The following ATL2 variants were observed in gnomAD, a reference collection of about 807,000 sequenced individuals.
ATL2 encodes atlastin-2.
A neutral mutation model predicts 73.9 loss-of-function variants in ATL2; 31 were observed. That is an observed-to-expected ratio of 0.42 (90% CI 0.32 to 0.57). ATL2 has a LOEUF of 0.57. ATL2 is among the 20% of genes least tolerant of loss of function. The pLI, the probability that ATL2 is intolerant of heterozygous loss-of-function variation, is 0.14. For missense variants in ATL2, 738 were observed against 702.6 expected (o/e 1.05, Z -0.57); for synonymous variants, 291 against 237.5 (o/e 1.23, Z -2.07).
chr2:38,315,433 T>A, intron 4 of ATL2, 99 bp from the exon 5 acceptor site: 1 of 1,228,028 alleles, frequency 8.1e-7, no homozygotes, highest in Non-Finnish European at 1.1e-6. Flanking sequence ...ATTTTGTATC[T>A]CAGCGCAAAG....
chr2:38,369,163 T>C (rs1226233779), intron 1 of ATL2, among the ~76,000 whole-genome samples: 3 of 152,060 alleles, frequency 2.0e-5, no homozygotes, highest in Non-Finnish European at 4.4e-5. Flanking sequence ...AAAATGTACA[T>C]GTCAGGCCAG....
intron 1 of ATL2, among the ~76,000 whole-genome samples, chr2:38,348,359 A>C (rs1367709841): frequency 6.6e-6 from 1 of 151,874 alleles, no homozygotes; most frequent in East Asian, 1.9e-4. Flanking sequence ...CCAGATACTC[A>C]GGAGGCTGAG....
intron 1 of ATL2, among the ~76,000 whole-genome samples, chr2:38,370,139 C>T (rs1473740418): frequency 1.7e-5 from 2 of 121,136 alleles, no homozygotes; most frequent in South Asian, 5.2e-4. Flanking sequence ...TGGGCGACAG[C>T]GAGACTCCGT....
upstream of ATL2, chr2:38,377,323 C>T (rs1434029933): frequency 4.1e-5 from 59 of 1,426,670 alleles, no homozygotes; most frequent in Middle Eastern, 2.4e-4. Flanking sequence ...TTATCAACCT[C>T]CCGGGAGCCG....
Position 38,294,509 on chromosome 2 carries a change from C to T in ATL2, c.*1485G>A, listed in dbSNP as rs983630049. 6.6e-6 allele frequency among the ~76,000 whole-genome samples: 1 copy of T among 152,162 alleles called. No homozygotes were observed. The highest frequency in any genetic ancestry group is 1.5e-5 in the Non-Finnish European group (1 of 68,020). ...GTTGCAGTGAGCCAAGATCGCACCA[C>T]TGCACTCCAGCCTGGGTGACAGAGA... is the stretch of plus-strand genomic sequence containing the variant. On this transcript the variant is annotated 3_prime_UTR_variant, in exon 13 of 13. Coordinates refer to ENST00000378954, the MANE Select transcript of ATL2 (RefSeq NM_001135673.4).
chr2:38,364,130 C>T (rs1325902002), intron 1 of ATL2, among the ~76,000 whole-genome samples: 1 of 152,034 alleles, frequency 6.6e-6, no homozygotes, highest in African/African-American at 2.4e-5. Context: ...GGCGTGGTGG[C>T]GGATGCCTGT....
rs1672041732 is a variant in ATL2 at position 38,377,247 on chromosome 2, T to C, written c.14A>G (p.Asp5Gly). 1.9e-6 allele frequency: 3 copies of C among 1,589,702 alleles called. No homozygotes were observed. Among genetic ancestry groups the C allele is most frequent in the Non-Finnish European group, 2.6e-6 (3 of 1,168,866 alleles). MAEG[D>G]EAARGQQPHQ... ...CGGTTGCTGCCCTCGCGCTGCCTCGTCCCCCTCCGCCATCTTGTACCGATT... is the reference window on the plus strand; with the variant it reads ...CGGTTGCTGCCCTCGCGCTGCCTCGCCCCCCTCCGCCATCTTGTACCGATT... Residue 5 changes from aspartate to glycine, a missense_variant, in exon 1 of 13, where the codon GAC becomes GGC. By Grantham distance (94) the Asp-to-Gly change is moderately conservative. Coordinates refer to ENST00000378954, the MANE Select transcript of ATL2 (RefSeq NM_001135673.4).
intron 2 of ATL2, among the ~76,000 whole-genome samples, chr2:38,325,810 A>G (rs1364018582): frequency 2.0e-5 from 3 of 149,560 alleles, no homozygotes; most frequent in Non-Finnish European, 4.4e-5. Flanking sequence ...ACTTTACCAG[A>G]GCTTTATCTG....
At chr2:38,351,778 C>T (rs1400394744) in intron 1 of ATL2, among the ~76,000 whole-genome samples, 4 of 151,926 alleles carry the variant, frequency 2.6e-5, no homozygotes, top group African/African-American at 9.6e-5. Flanking sequence ...CAGGCGTGAG[C>T]CACCTCACCT....
intron 9 of ATL2, among the ~76,000 whole-genome samples, chr2:38,301,736 C>T (rs899871183): frequency 2.0e-5 from 3 of 152,214 alleles, no homozygotes; most frequent in Non-Finnish European, 2.9e-5. Context: ...CCTGAATAAA[C>T]TTGAAAGGCC....
intron 1 of ATL2, chr2:38,359,644 A>G (rs1670889690): frequency 1.3e-5 from 2 of 152,152 alleles, no homozygotes; most frequent in South Asian, 4.1e-4. Flanking sequence ...ATGTCACAGA[A>G]TTTTTGCTGT....
At chr2:38,362,568 C>G (rs1218139344) in intron 1 of ATL2, among the ~76,000 whole-genome samples, 1 of 152,212 alleles carries the variant, frequency 6.6e-6, no homozygotes, top group African/African-American at 2.4e-5. Context: ...TTTTAACAAG[C>G]ACCCCACTAA....
chr2:38,346,542 T>A lies in ATL2; in HGVS notation c.119-3030A>T, dbSNP rs555829318. 2.0e-5 allele frequency among the ~76,000 whole-genome samples: 3 copies of A among 152,300 alleles called. No homozygotes were observed. The East Asian group carries it at 5.8e-4, about 29-fold the overall frequency. On this transcript the variant is annotated intron_variant, in intron 1 of 12. Transcript: ENST00000378954. Reference sequence around the variant, plus strand: ...GTCTGGTTTCATGAAAGACAAGTTTTCCACAGAAGGGGGAGCAGTGGTTTC... The same window carrying A: ...GTCTGGTTTCATGAAAGACAAGTTTACCACAGAAGGGGGAGCAGTGGTTTC...
rs1374389787 is a variant in ATL2, at chr2:38,298,704, A to G, written c.1201-129T>C. ...TTGAGTCAGTTTTAAACTCACTTAC[A>G]ATACCTCACAGGTTATCATAATCTA... On this transcript the variant is annotated intron_variant, in intron 11 of 12. Coordinates refer to ENST00000378954, the MANE Select transcript of ATL2 (RefSeq NM_001135673.4). The G allele has an allele frequency of 2.4e-5, 21 of 892,474 alleles. No homozygotes were observed. In the Admixed American group the frequency reaches 4.6e-4, roughly 20 times the overall value. 55.3% of individuals were successfully genotyped at this position (892,474 alleles called of 1,614,324 possible). A position where few individuals can be genotyped will look rare whatever the true frequency, so the allele number is the denominator to read the frequency against.
At chr2:38,354,062 C>A (rs756239942) in intron 1 of ATL2, 7 of 313,898 alleles carry the variant, frequency 2.2e-5, no homozygotes, top group South Asian at 1.1e-4. Flanking sequence ...CGTGGTGGCA[C>A]GCACCTGTAA....
intron 2 of ATL2, among the ~76,000 whole-genome samples, chr2:38,327,337 A>C (rs1296298677): frequency 6.6e-6 from 1 of 152,156 alleles, no homozygotes; most frequent in African/African-American, 2.4e-5. Flanking sequence ...GAATACGCTA[A>C]GGTAACTGCA....
In ATL2 at chr2:38,314,588, T is replaced by C. The variant is rs1667929677; in HGVS notation, c.711+20A>G. The stretch of plus-strand genomic sequence containing the variant: ...ACTTCTCATAGGCTAATCTTTAAAA[T>C]GTTAGAATAACTTTTTTACCTGAAA... On this transcript the variant is annotated intron_variant, in intron 6 of 12. Coordinates refer to ENST00000378954, the MANE Select transcript of ATL2 (RefSeq NM_001135673.4). 1.3e-6 allele frequency: 2 copies of C among 1,566,630 alleles called. No homozygotes were observed. The highest frequency in any genetic ancestry group is 4.5e-5 in the East Asian group (2 of 44,556).
rs556578296 is a variant in ATL2, at chr2:38,324,324, C to T, written c.364-5305G>A. Among the ~76,000 whole-genome samples the T allele has an allele frequency of 2.1e-4, 32 of 152,200 alleles. No individual in the cohort carries two copies. In the East Asian group the frequency reaches 6.2e-3, roughly 29 times the overall value. On this transcript the variant is annotated intron_variant, in intron 2 of 12. Transcript: ENST00000378954. ...TGCTACAATAATAAGCGAGATCCTC[C>T]CTAGTTGCATGACATTCCCCACACC...
At chr2:38,332,690 A>G (rs1669069133) in intron 2 of ATL2, among the ~76,000 whole-genome samples, 1 of 152,216 alleles carries the variant, frequency 6.6e-6, no homozygotes, top group South Asian at 2.1e-4. Flanking sequence ...AAAGACTCCT[A>G]GTCACACAAA....
Sources: allele counts gnomAD v4.1 joint callset (sites outside exome capture counted in the v4.1 genomes callset), GRCh38; gene constraint gnomAD v4.1.1; transcripts MANE v1.5; gene names NCBI Gene and HGNC (gene_info 2026-07-23, HGNC 2026-07-21).